ACKR2: variants seen among roughly 807,000 people sequenced by gnomAD.
ACKR2 encodes C-C chemokine receptor D6.
For synonymous variants in ACKR2, 207 were observed against 192.2 expected (o/e 1.08, Z -0.64); for missense variants, 457 against 477.3 (o/e 0.96, Z 0.40).
At chr3:42,817,202 C>T (rs1700760431) in intron 1 of ACKR2, among the ~76,000 whole-genome samples, 1 of 152,166 alleles carries the variant, frequency 6.6e-6, no homozygotes, top group Admixed American at 6.5e-5. Context: ...TCTCACCAAA[C>T]CAGGCCCCTT....
chr3:42,854,384 C>G (rs971131584), intron 2 of ACKR2, among the ~76,000 whole-genome samples: 7 of 152,164 alleles, frequency 4.6e-5, no homozygotes, highest in Admixed American at 1.3e-4. Flanking sequence ...GCTCTCAGCA[C>G]ACCACTGGCT....
At chr3:42,851,379 A>C in intron 2 of ACKR2, 2 of 985,448 alleles carry the variant, frequency 2.0e-6, no homozygotes, top group African/African-American at 3.5e-5. Context: ...CACTTCCCTG[A>C]GGAAGAGGCA....
intron 1 of ACKR2, among the ~76,000 whole-genome samples, chr3:42,811,189 T>G (rs1700690760): frequency 6.6e-6 from 1 of 151,100 alleles, no homozygotes; most frequent in South Asian, 2.1e-4. Context: ...ACATACATTT[T>G]CTGTAGGGAA....
At chr3:42,862,808 T>C (rs1274993052) in intron 2 of ACKR2, among the ~76,000 whole-genome samples, 1 of 152,184 alleles carries the variant, frequency 6.6e-6, no homozygotes, top group Non-Finnish European at 1.5e-5. Context: ...GCTAGCCATA[T>C]GCAAAGAACT....
At chr3:42,829,407 A>C (rs1265541825) in intron 2 of ACKR2, among the ~76,000 whole-genome samples, 4 of 152,170 alleles carry the variant, frequency 2.6e-5, no homozygotes, top group Non-Finnish European at 5.9e-5. Flanking sequence ...TCTCTTCCCA[A>C]AGAAGTGAAG....
chr3:42,841,283 G>A (rs1369963352), intron 2 of ACKR2, among the ~76,000 whole-genome samples: 1 of 152,202 alleles, frequency 6.6e-6, no homozygotes, highest in Admixed American at 6.5e-5. Context: ...ATTTTTAGAT[G>A]TCTGTTCTGA....
intron 2 of ACKR2, among the ~76,000 whole-genome samples, chr3:42,845,081 C>A (rs1434287518): frequency 1.3e-5 from 2 of 152,122 alleles, no homozygotes; most frequent in Non-Finnish European, 2.9e-5. Flanking sequence ...CCTTGGACTC[C>A]CCATGTGCCA....
chr3:42,825,115 C>A (rs1414741789), intron 2 of ACKR2, among the ~76,000 whole-genome samples: 7 of 152,110 alleles, frequency 4.6e-5, no homozygotes, highest in African/African-American at 1.7e-4. Flanking sequence ...ATTACTGTGA[C>A]TTTGTAGTAA....
At chr3:42,817,902 C>T (rs1236428947) in intron 1 of ACKR2, among the ~76,000 whole-genome samples, 1 of 152,212 alleles carries the variant, frequency 6.6e-6, no homozygotes, top group Admixed American at 6.5e-5. Flanking sequence ...CCAGTCTGGT[C>T]ATTCTTTCTT....
intron 2 of ACKR2, among the ~76,000 whole-genome samples, chr3:42,845,039 G>C (rs1427592430): frequency 6.6e-6 from 1 of 152,126 alleles, no homozygotes; most frequent in Non-Finnish European, 1.5e-5. Context: ...TCAGGCTAGG[G>C]CATGGGATGG....
chr3:42,849,078 G>A (rs1701126021), intron 2 of ACKR2, among the ~76,000 whole-genome samples: 1 of 152,256 alleles, frequency 6.6e-6, no homozygotes, highest in African/African-American at 2.4e-5. Context: ...CTGGGCCAGA[G>A]AAAGGACATT....
At chr3:42,821,873 T>G (rs1020497828) in intron 2 of ACKR2, among the ~76,000 whole-genome samples, 8 of 152,000 alleles carry the variant, frequency 5.3e-5, no homozygotes, top group South Asian at 2.1e-4. Flanking sequence ...ATATTTTGTA[T>G]TTTTAGTAGA....
chr3:42,855,530 G>A (rs1371213121), intron 2 of ACKR2, among the ~76,000 whole-genome samples: 1 of 152,168 alleles, frequency 6.6e-6, no homozygotes, highest in African/African-American at 2.4e-5. Flanking sequence ...AAGATCAGGG[G>A]TAAAGGCCTG....
At chr3:42,863,581 T>C (rs550875720) in intron 2 of ACKR2, among the ~76,000 whole-genome samples, 40 of 152,328 alleles carry the variant, frequency 2.6e-4, no homozygotes, top group African/African-American at 8.4e-4. Context: ...TGCAGCACTG[T>C]TCACAATAGC....
chr3:42,822,214 C>T (rs1283330615), intron 2 of ACKR2, among the ~76,000 whole-genome samples: 1 of 148,678 alleles, frequency 6.7e-6, no homozygotes, highest in Non-Finnish European at 1.5e-5. Context: ...GAAAGATATA[C>T]TCCTCAAATA....
At position 42,865,091 on chromosome 3, in the gene ACKR2, G is replaced by T. The variant is rs569371195; in HGVS notation, c.589G>T (p.Ala197Ser). The T allele has an allele frequency of 6.2e-7, 1 of 1,613,984 alleles. No homozygotes were observed. The highest frequency in any genetic ancestry group is 1.1e-5 in the South Asian group (1 of 91,044). Residue 197 changes from alanine (A) to serine (S), a missense_variant, in exon 3 of 3, where the codon GCA becomes TCA. Transcript: ENST00000422265. ...TCCCAAGGGTGTGTGGAACTGCCAC[G>T]CAGATTTCGGCGGGCATGGGACCAT... ...ENPKGVWNCHADFGGHGTIWK... is the reference protein window; with the variant it reads ...ENPKGVWNCHSDFGGHGTIWK...
At chr3:42,812,905 T>C (rs1368952462) in intron 1 of ACKR2, among the ~76,000 whole-genome samples, 1 of 151,960 alleles carries the variant, frequency 6.6e-6, no homozygotes, top group African/African-American at 2.4e-5. Context: ...GCCAAGCTGG[T>C]CTCAAAGTCC....
At chr3:42,818,505 A>G (rs979317656) in intron 1 of ACKR2, among the ~76,000 whole-genome samples, 1 of 152,212 alleles carries the variant, frequency 6.6e-6, no homozygotes, top group African/African-American at 2.4e-5. Flanking sequence ...TACAAGCAGT[A>G]ATGTTGAGAG....
intron 1 of ACKR2, among the ~76,000 whole-genome samples, chr3:42,810,114 A>G (rs1471229323): frequency 2.0e-5 from 3 of 152,238 alleles, no homozygotes; most frequent in African/African-American, 7.2e-5. Context: ...CAGTATTGAC[A>G]TAGATATTTC....
Sources: allele counts gnomAD v4.1 joint callset (sites outside exome capture counted in the v4.1 genomes callset), GRCh38; gene constraint gnomAD v4.1.1; transcripts MANE v1.5; gene names NCBI Gene and HGNC (gene_info 2026-07-23, HGNC 2026-07-21).